TUT4: variants seen among roughly 807,000 people sequenced by gnomAD.
The protein encoded by TUT4 is terminal uridylyltransferase 4.
Under a neutral mutation model 192.2 loss-of-function variants are expected in TUT4, and 36 were observed. The ratio of observed to expected loss-of-function variants is 0.19; its 90% confidence interval spans 0.14 to 0.25. TUT4 has a LOEUF of 0.25. Among genes scored for constraint, TUT4 ranks in the 10% least tolerant of loss-of-function variants. TUT4 has a pLI of 1.00. For synonymous variants in TUT4, 618 were observed against 666.0 expected (o/e 0.93, Z 1.11); for missense variants, 1,493 against 1,957.2 (o/e 0.76, Z 4.47).
At chr1:52,501,435 TG>T (rs892657454) in intron 4 of TUT4, among the ~76,000 whole-genome samples, 10 of 92,054 alleles carry the variant, frequency 1.1e-4, no homozygotes, top group Non-Finnish European at 1.9e-4. Context: ...ATTGCTATTA[TG>T]GGGGGGCGGG....
chr1:52,553,019 C>CGCCGCT lies in TUT4; in HGVS notation c.-188_-183dup, dbSNP rs1472798118. ...CTCCGCCTCCTGCTGCCGCCGCCGT[C>CGCCGCT]GCCGCTGCCGCCGCTGGAGGCCGGG... On this transcript the variant is annotated 5_prime_UTR_variant, in exon 1 of 30. Transcript: ENST00000257177. 1 of 157,858 alleles carries CGCCGCT rather than the reference C, an allele frequency of 6.3e-6. No homozygotes were observed. Among genetic ancestry groups the CGCCGCT allele is most frequent in the Non-Finnish European group, 1.4e-5 (1 of 72,186 alleles). 9.8% of individuals were successfully genotyped at this position (157,858 alleles called of 1,614,324 possible). A position where few individuals can be genotyped will look rare whatever the true frequency, so the allele number is the denominator to read the frequency against.
intron 1 of TUT4, among the ~76,000 whole-genome samples, chr1:52,530,258 C>CAAAAA (rs11365992): frequency 1.1e-5 from 1 of 93,324 alleles, no homozygotes; most frequent in Non-Finnish European, 2.2e-5. Context: ...GACTCCATCT[C>CAAAAA]AAAAAAAAAA....
chr1:52,441,456 T>C (rs1655540067), intron 24 of TUT4, among the ~76,000 whole-genome samples: 3 of 148,482 alleles, frequency 2.0e-5, no homozygotes, highest in African/African-American at 7.4e-5. Context: ...TTTTTTTTTT[T>C]TTTTTTTTTT....
intron 24 of TUT4, among the ~76,000 whole-genome samples, chr1:52,439,704 T>G (rs1654921184): frequency 6.6e-6 from 1 of 152,172 alleles, no homozygotes; most frequent in African/African-American, 2.4e-5. Flanking sequence ...CACAGCCACT[T>G]TAGAAAACAG....
At chr1:52,492,974 T>A (rs569841415) in intron 7 of TUT4, among the ~76,000 whole-genome samples, 1 of 152,354 alleles carries the variant, frequency 6.6e-6, no homozygotes, top group East Asian at 1.9e-4. Context: ...AGTAATGACC[T>A]CATAATGATT....
intron 9 of TUT4, among the ~76,000 whole-genome samples, chr1:52,486,223 G>C (rs1669748499): frequency 6.6e-6 from 1 of 152,064 alleles, no homozygotes; most frequent in African/African-American, 2.4e-5. Flanking sequence ...TTAAAACCCA[G>C]ATATCTCTTT....
At chr1:52,441,835 A>ACT (rs1316521878) in intron 24 of TUT4, among the ~76,000 whole-genome samples, 1 of 152,100 alleles carries the variant, frequency 6.6e-6, no homozygotes, top group African/African-American at 2.4e-5. Context: ...ACAATACAGA[A>ACT]GAGTGCACAG....
intron 5 of TUT4, among the ~76,000 whole-genome samples, chr1:52,496,060 T>G (rs1232889110): frequency 6.6e-6 from 1 of 152,090 alleles, no homozygotes; most frequent in Non-Finnish European, 1.5e-5. Context: ...TTTCCCAGAC[T>G]ATGAAACATG....
intron 7 of TUT4, among the ~76,000 whole-genome samples, chr1:52,492,230 G>C (rs1054845120): frequency 6.6e-6 from 1 of 151,942 alleles, no homozygotes; most frequent in African/African-American, 2.4e-5. Context: ...CTCATTCCTA[G>C]AAAACTATTT....
intron 15 of TUT4, 109 bp downstream of exon 15, chr1:52,468,072 C>A: frequency 3.8e-6 from 3 of 793,340 alleles, no homozygotes; most frequent in East Asian, 6.0e-5. Flanking sequence ...TTCCCAGCAA[C>A]TAGAACAGTA....
chr1:52,461,496 TATAAAG>T lies in TUT4; in HGVS notation c.3231+11_3231+16del, dbSNP rs1167145448. ...TAAAATGAAAAGTATATACATGGCC[TATAAAG>T]ATAAACTTACCAACGTATTATATAA... On this transcript the variant is annotated intron_variant, in intron 18 of 29. Coordinates refer to ENST00000257177, the MANE Select transcript of TUT4 (RefSeq NM_001009881.3). The T allele has an allele frequency of 1.1e-5, 17 of 1,599,866 alleles. No individual in the cohort carries two copies. The highest frequency in any genetic ancestry group is 1.4e-5 in the Non-Finnish European group (16 of 1,170,708).
rs146966703 is a variant in TUT4, at chr1:52,439,387, A to G, written c.3823-1052T>C. 2.0e-5 allele frequency among the ~76,000 whole-genome samples: 3 copies of G among 152,348 alleles called. No homozygotes were observed. The East Asian group carries it at 5.8e-4, about 29-fold the overall frequency. ...AAAAGGTAGGGAACTAAAAAGAAGT[A>G]AATAATTTTCCAAAGTCTTAGAACC... On this transcript the variant is annotated intron_variant, in intron 24 of 29. Transcript: ENST00000257177.
intron 2 of TUT4, among the ~76,000 whole-genome samples, chr1:52,520,626 T>C (rs1014815696): frequency 3.9e-5 from 6 of 152,184 alleles, no homozygotes; most frequent in African/African-American, 7.2e-5. Flanking sequence ...TCCTCAAATA[T>C]TCACCTGGCT....
At chr1:52,538,173 T>C (rs1374520992) in intron 1 of TUT4, among the ~76,000 whole-genome samples, 4 of 151,144 alleles carry the variant, frequency 2.6e-5, no homozygotes, top group African/African-American at 7.3e-5. Context: ...GAGGTGGAGG[T>C]TGCAGTGAGC....
At chr1:52,494,885 T>C (rs1480905535) in intron 6 of TUT4, among the ~76,000 whole-genome samples, 1 of 152,236 alleles carries the variant, frequency 6.6e-6, no homozygotes, top group Non-Finnish European at 1.5e-5. Context: ...CTAAACAATA[T>C]TGTTCTAATA....
At chr1:52,490,150 C>CTTT (rs34451806) in intron 8 of TUT4, among the ~76,000 whole-genome samples, 26 of 120,370 alleles carry the variant, frequency 2.2e-4, no homozygotes, top group East Asian at 5.2e-4. Flanking sequence ...AGAAGAGAGG[C>CTTT]TTTTTTTTTT....
intron 19 of TUT4, 56 bp from the exon 20 acceptor site, chr1:52,458,505 A>G: frequency 3.8e-6 from 5 of 1,300,628 alleles, no homozygotes; most frequent in Middle Eastern, 3.7e-4. Flanking sequence ...ATGCAGAAGT[A>G]TATTAAACAT....
intron 11 of TUT4, among the ~76,000 whole-genome samples, chr1:52,478,330 A>G (rs1052059533): frequency 1.3e-5 from 2 of 152,250 alleles, no homozygotes; most frequent in African/African-American, 2.4e-5. Context: ...ATTTTAAAAT[A>G]TAAGTAAATG....
intron 19 of TUT4, among the ~76,000 whole-genome samples, chr1:52,460,133 G>GT (rs1662162098): frequency 6.6e-6 from 1 of 152,168 alleles, no homozygotes; most frequent in South Asian, 2.1e-4. Context: ...CTTGTATGTA[G>GT]TATGTGCCTC....
Sources: allele counts gnomAD v4.1 joint callset (sites outside exome capture counted in the v4.1 genomes callset), GRCh38; gene constraint gnomAD v4.1.1; transcripts MANE v1.5; gene names NCBI Gene and HGNC (gene_info 2026-07-23, HGNC 2026-07-21).